The following ENTPD7 variants were observed in gnomAD, a reference collection of about 807,000 sequenced individuals.
ENTPD7 encodes NTPDase 7.
A neutral mutation model predicts 77.9 loss-of-function variants in ENTPD7; 53 were observed. The observed-to-expected ratio is 0.68, with a 90% CI of 0.55 to 0.85. The LOEUF is 0.85. ENTPD7 is among the 40% of genes least tolerant of loss of function. ENTPD7 has a pLI of 0.00. For synonymous variants in ENTPD7, 248 were observed against 274.9 expected (o/e 0.90, Z 0.97); for missense variants, 636 against 743.7 (o/e 0.86, Z 1.68).
chr10:99,693,645 C>T (rs796912172), intron 8 of ENTPD7, among the ~76,000 whole-genome samples: 4 of 152,278 alleles, frequency 2.6e-5, no homozygotes, highest in African/African-American at 9.6e-5. Context: ...AGGCCGGGCA[C>T]GGTGGCTGAC....
Position 99,710,593 on chromosome 10 carries a change from G to T in ENTPD7, c.*5910G>T. The T allele has an allele frequency of 2.0e-6, 2 of 985,410 alleles. No individual in the cohort carries two copies. The highest frequency in any genetic ancestry group is 2.4e-6 in the Non-Finnish European group (2 of 829,934). 61.0% of individuals were successfully genotyped at this position (985,410 alleles called of 1,614,324 possible). A position where few individuals can be genotyped will look rare whatever the true frequency, so the allele number is the denominator to read the frequency against. On this transcript the variant is annotated 3_prime_UTR_variant, in exon 13 of 13. Transcript: ENST00000370489. ...TCTCACTGACAAACATTTTAGGTCA[G>T]TGTTGAGGAAAATGTGTGATGCATG...
At chr10:99,670,518 G>A (rs2035607513) in intron 3 of ENTPD7, among the ~76,000 whole-genome samples, 1 of 152,080 alleles carries the variant, frequency 6.6e-6, no homozygotes, top group African/African-American at 2.4e-5. Flanking sequence ...TTTCATCATT[G>A]TGTAAACATC....
At chr10:99,665,316 C>T (rs2133439669) in intron 3 of ENTPD7, among the ~76,000 whole-genome samples, 1 of 151,882 alleles carries the variant, frequency 6.6e-6, no homozygotes, top group South Asian at 2.1e-4. Context: ...CATATATATT[C>T]ACTTATGTCC....
Position 99,661,276 on chromosome 10 carries a change from T to C in ENTPD7, c.9-170T>C, listed in dbSNP as rs532027205. Among the ~76,000 whole-genome samples, 18 of 152,300 alleles carry C rather than the reference T, an allele frequency of 1.2e-4. 1 individual carries two copies. Among genetic ancestry groups the C allele is most frequent in the Non-Finnish European group, 2.1e-4 (14 of 68,022 alleles). On this transcript the variant is annotated intron_variant, in intron 2 of 12. Transcript: ENST00000370489. ...GCAGATAAGGCTTTTCTGATATATA[T>C]AGTAGAAGCACCATGAGCTTCTTCT...
chr10:99,710,085 C>T lies in ENTPD7; in HGVS notation c.*5402C>T, dbSNP rs905401017. On this transcript the variant is annotated 3_prime_UTR_variant, in exon 13 of 13. Coordinates refer to ENST00000370489, the MANE Select transcript of ENTPD7 (RefSeq NM_020354.5). ...AGGCTAGCATAAAGACATGTCTGCT[C>T]CTGAGCCTCTTCTTTTAAAGGGCAA... The T allele has an allele frequency of 4.1e-6, 4 of 985,272 alleles. No individual in the cohort carries two copies. Among genetic ancestry groups the T allele is most frequent in the African/African-American group, 3.5e-5 (2 of 57,224 alleles). 61.0% of individuals were successfully genotyped at this position (985,272 alleles called of 1,614,324 possible).
In ENTPD7 at chr10:99,696,056, T is replaced by C; in HGVS notation, c.944T>C (p.Phe315Ser). The C allele has an allele frequency of 6.2e-7, 1 of 1,614,236 alleles. No individual in the cohort carries two copies. The part of the protein sequence containing the change: ...YRVYVTTFLG[F>S]GGNFARQRYE... ...GTTTATGTCACAACTTTTCTGGGTT[T>C]CGGAGGCAACTTTGCCCGGCAGCGC... The change falls in exon 9 of 13, where the codon TTC (phenylalanine) becomes TCC (serine). Residue 315 changes from phenylalanine (F) to serine (S), a missense_variant. By Grantham distance (155) the Phe-to-Ser change is radical. Around this residue, in one of 3 missense-constraint regions of ENTPD7, gnomAD observed 486 missense variants for 556.5 expected, o/e 0.87. Coordinates refer to ENST00000370489, the MANE Select transcript of ENTPD7 (RefSeq NM_020354.5).
At chr10:99,679,919 G>A (rs768088068) in intron 5 of ENTPD7, 44 bp downstream of exon 5, 2 of 1,580,494 alleles carry the variant, frequency 1.3e-6, no homozygotes, top group Non-Finnish European at 1.7e-6. Flanking sequence ...GGTGGCACAA[G>A]AGATGAAAGG....
intron 2 of ENTPD7, chr10:99,660,165 G>C: frequency 1.9e-6 from 1 of 540,094 alleles, no homozygotes; most frequent in Non-Finnish European, 2.4e-6. Context: ...CATAGACCAG[G>C]AGTGGTAGAG....
At chr10:99,676,244 G>A (rs1462688821) in intron 3 of ENTPD7, among the ~76,000 whole-genome samples, 2 of 151,846 alleles carry the variant, frequency 1.3e-5, no homozygotes, top group Admixed American at 6.6e-5. Flanking sequence ...ATATTTATAT[G>A]TAATGAGTTT....
In ENTPD7 at chr10:99,710,856, T is replaced by C. The variant is rs1007363389; in HGVS notation, c.*6173T>C. ...AGTCTAAGTTACAGACAAAAAATTC[T>C]AGGTTGACTGATTAAGAAAGCCATG... On this transcript the variant is annotated 3_prime_UTR_variant, in exon 13 of 13. Transcript: ENST00000370489. 1 of 985,436 alleles carries C rather than the reference T, an allele frequency of 1.0e-6. No homozygotes were observed. The highest frequency in any genetic ancestry group is 1.7e-5 in the African/African-American group (1 of 57,376). The allele number at this position is 985,436 out of a possible 1,614,324, so 61.0% of individuals were successfully genotyped here. A position where few individuals can be genotyped will look rare whatever the true frequency, so the allele number is the denominator to read the frequency against.
At chr10:99,662,581 G>C (rs552132236) in intron 3 of ENTPD7, among the ~76,000 whole-genome samples, 1 of 152,076 alleles carries the variant, frequency 6.6e-6, no homozygotes, top group South Asian at 2.1e-4. Flanking sequence ...TTCAATATAA[G>C]AAAAAAAGGC....
At chr10:99,702,004 G>A (rs1343746762) in intron 11 of ENTPD7, among the ~76,000 whole-genome samples, 3 of 151,866 alleles carry the variant, frequency 2.0e-5, no homozygotes, top group African/African-American at 4.8e-5. Context: ...AGCTGAGATC[G>A]CGCCACTGCA....
rs899533159 is a variant in ENTPD7, at chr10:99,706,942, G to A, written c.*2259G>A. Among the ~76,000 whole-genome samples the A allele has an allele frequency of 2.9e-4, 44 of 152,252 alleles. No individual in the cohort carries two copies. Among genetic ancestry groups the A allele is most frequent in the African/African-American group, 8.7e-4 (36 of 41,564 alleles). On this transcript the variant is annotated 3_prime_UTR_variant, in exon 13 of 13. Coordinates refer to ENST00000370489, the MANE Select transcript of ENTPD7 (RefSeq NM_020354.5). ...TGTGCTAAAAATGAACTTGAAACAC[G>A]GAAGTAGTGGTTGGTCCAGTTTGAA...
Position 99,688,766 on chromosome 10 carries a change from T to G in ENTPD7, c.709+16T>G, listed in dbSNP as rs755884309. On this transcript the variant is annotated intron_variant, in intron 7 of 12. Transcript: ENST00000370489. Reference sequence around the variant, plus strand: ...CACGAGGATGGTGAGTAATATTGTCTTTTTATGACAGTTTACCTAAGGGCT... The same window carrying G: ...CACGAGGATGGTGAGTAATATTGTCGTTTTATGACAGTTTACCTAAGGGCT... 3.7e-6 allele frequency: 6 copies of G among 1,613,146 alleles called. No individual in the cohort carries two copies. The highest frequency in any genetic ancestry group is 2.5e-6 in the Non-Finnish European group (3 of 1,179,232).
intron 3 of ENTPD7, among the ~76,000 whole-genome samples, chr10:99,668,565 G>T (rs866127898): frequency 6.6e-6 from 1 of 152,150 alleles, no homozygotes; most frequent in South Asian, 2.1e-4. Context: ...TGCATAAGAA[G>T]AGTAGAGCAT....
chr10:99,664,589 G>T (rs1354068234), intron 3 of ENTPD7, among the ~76,000 whole-genome samples: 1 of 151,520 alleles, frequency 6.6e-6, no homozygotes, highest in African/African-American at 2.4e-5. Flanking sequence ...AGCTGGGACT[G>T]CAGGCACATG....
At chr10:99,663,883 T>G (rs1486656419) in intron 3 of ENTPD7, among the ~76,000 whole-genome samples, 1 of 152,218 alleles carries the variant, frequency 6.6e-6, no homozygotes, top group African/African-American at 2.4e-5. Context: ...TCTCCCCTGC[T>G]TTTCCTCTGG....
intron 3 of ENTPD7, among the ~76,000 whole-genome samples, chr10:99,663,840 TC>T (rs1158545016): frequency 6.6e-6 from 1 of 152,182 alleles, no homozygotes; most frequent in Non-Finnish European, 1.5e-5. Flanking sequence ...AAACATTTTG[TC>T]CATTACTTCT....
At chr10:99,663,534 G>A (rs534376022) in intron 3 of ENTPD7, among the ~76,000 whole-genome samples, 94 of 148,900 alleles carry the variant, frequency 6.3e-4, no homozygotes, top group Middle Eastern at 7.0e-3. Context: ...ATCATAGCCC[G>A]CTGCAGCCTC....
Sources: gnomAD v4.1 joint callset for allele counts (sites outside exome capture counted in the v4.1 genomes callset) on GRCh38, gnomAD v4.1.1 for gene constraint, gnomAD v4.1.1 regional missense constraint, MANE v1.5 for transcripts, NCBI Gene and HGNC (gene_info 2026-07-23, HGNC 2026-07-21) for gene names.